Variants in CASP8 observed in about 807,000 individuals in gnomAD.
The protein encoded by CASP8 is caspase-8.
Under a neutral mutation model 46.3 loss-of-function variants are expected in CASP8, and 24 were observed. That is an observed-to-expected ratio of 0.52 (90% CI 0.38 to 0.73). The LOEUF is 0.73. CASP8 is among the 30% of genes least tolerant of loss of function. CASP8 has a pLI of 0.00. For synonymous variants in CASP8, 188 were observed against 200.4 expected (o/e 0.94, Z 0.52); for missense variants, 460 against 559.0 (o/e 0.82, Z 1.79).
chr2:201,257,830 C>T, upstream of CASP8: 1 of 291,832 alleles, frequency 3.4e-6, no homozygotes, highest in Admixed American at 5.0e-5. Context: ...ATTCCCAGAC[C>T]CTTTGCAAGA....
At chr2:201,258,836 T>C (rs1255607493), upstream of CASP8, among the ~76,000 whole-genome samples, 2 of 152,252 alleles carry the variant, frequency 1.3e-5, no homozygotes, top group Non-Finnish European at 2.9e-5. Flanking sequence ...GGTTTCCTTT[T>C]ATCTCTCCAC....
intron 2 of CASP8, among the ~76,000 whole-genome samples, chr2:201,247,021 C>A (rs1946553840): frequency 1.3e-5 from 2 of 151,520 alleles, no homozygotes; most frequent in South Asian, 4.2e-4. Context: ...ATGGTGAAAC[C>A]CTGTCTCTAC....
intron 6 of CASP8, among the ~76,000 whole-genome samples, chr2:201,275,824 C>T (rs1948595434): frequency 6.6e-6 from 1 of 152,174 alleles, no homozygotes; most frequent in Non-Finnish European, 1.5e-5. Flanking sequence ...AATCCTCCTG[C>T]CTTGGCCTCC....
intron 2 of CASP8, chr2:201,241,264 C>G (rs1397655950): frequency 6.6e-6 from 1 of 151,874 alleles, no homozygotes; most frequent in Non-Finnish European, 1.5e-5. Context: ...AAAAGAATAA[C>G]AAAAGAATTG....
At chr2:201,277,961 A>G (rs1252279953) in intron 7 of CASP8, 1 of 201,090 alleles carries the variant, frequency 5.0e-6, no homozygotes, top group East Asian at 1.7e-4. Flanking sequence ...TCGGCCTCCC[A>G]AAGTGCTGGA....
intron 2 of CASP8, among the ~76,000 whole-genome samples, chr2:201,253,872 G>A (rs1458357731): frequency 2.6e-5 from 4 of 151,862 alleles, no homozygotes; most frequent in East Asian, 1.9e-4. Flanking sequence ...ACCTAAGGTC[G>A]GGAGTTCGAG....
At chr2:201,286,374 G>T in intron 8 of CASP8, 85 bp from the exon 9 acceptor site, 2 of 1,515,108 alleles carry the variant, frequency 1.3e-6, no homozygotes, top group Non-Finnish European at 9.1e-7. Flanking sequence ...AAGAACTACA[G>T]AACTATCTCT....
chr2:201,242,460 G>A (rs1206943734), intron 2 of CASP8: 1 of 152,026 alleles, frequency 6.6e-6, no homozygotes, highest in African/African-American at 2.4e-5. Flanking sequence ...GAGCGCTCTG[G>A]GATTTCTTTT....
intron 8 of CASP8, 30 bp downstream of exon 8, chr2:201,285,347 T>C: frequency 6.2e-7 from 1 of 1,611,038 alleles, no homozygotes; most frequent in Non-Finnish European, 8.5e-7. Flanking sequence ...CCCTCCTCAC[T>C]GTTACACTAC....
chr2:201,234,155 T>G (rs1945940174), intron 2 of CASP8: 1 of 152,442 alleles, frequency 6.6e-6, no homozygotes, highest in South Asian at 2.1e-4. Context: ...GAAAGAGAAG[T>G]GGTGAACGCT....
intron 7 of CASP8, among the ~76,000 whole-genome samples, chr2:201,278,979 TG>T (rs1948826190): frequency 6.6e-6 from 1 of 151,906 alleles, no homozygotes; most frequent in African/African-American, 2.4e-5. Context: ...TCCAACAATT[TG>T]GGGGAGTTGA....
chr2:201,282,744 C>A (rs1197486263), intron 7 of CASP8, among the ~76,000 whole-genome samples: 98 of 79,942 alleles, frequency 1.2e-3, no homozygotes, highest in Middle Eastern at 9.1e-3. Flanking sequence ...GCAGAGGGGT[C>A]CTCACTTCCC....
At chr2:201,274,355 TC>T (rs1948487148) in intron 5 of CASP8, among the ~76,000 whole-genome samples, 1 of 152,232 alleles carries the variant, frequency 6.6e-6, no homozygotes, top group Admixed American at 6.5e-5. Context: ...GGTATGTTTT[TC>T]TCTTTGGCGA....
rs372548560 is a variant in CASP8, at chr2:201,261,386, C to T, written c.-27+773C>T. Among the ~76,000 whole-genome samples the T allele has an allele frequency of 4.7e-4, 54 of 114,180 alleles. 1 individual carries two copies. The highest frequency in any genetic ancestry group is 1.9e-3 in the East Asian group (8 of 4,134). The allele number at this position is 114,180 out of a possible 152,430, so 74.9% of individuals were successfully genotyped here. ...AGCCTGGGCAACAAGAGCGAAACTC[C>T]GTCTCAAAAAAAAAAAAAAAAAAAA... On this transcript the variant is annotated intron_variant, in intron 1 of 8. Coordinates refer to ENST00000673742, the MANE Select transcript of CASP8 (RefSeq NM_001372051.1).
chr2:201,278,446 A>G (rs908548830), intron 7 of CASP8, among the ~76,000 whole-genome samples: 1 of 151,764 alleles, frequency 6.6e-6, no homozygotes, highest in African/African-American at 2.4e-5. Context: ...GAACCAACAC[A>G]CTGTATTAGT....
intron 2 of CASP8, among the ~76,000 whole-genome samples, chr2:201,244,940 G>A (rs1946446684): frequency 6.6e-6 from 1 of 152,192 alleles, no homozygotes; most frequent in Non-Finnish European, 1.5e-5. Flanking sequence ...ATGCCACACT[G>A]GGACCCCAGA....
intron 7 of CASP8, among the ~76,000 whole-genome samples, chr2:201,278,904 T>TA (rs1948821833): frequency 6.6e-6 from 1 of 151,652 alleles, no homozygotes; most frequent in African/African-American, 2.4e-5. Flanking sequence ...GGAGAAGGAA[T>TA]AAAAAAGGAA....
upstream of CASP8, among the ~76,000 whole-genome samples, chr2:201,258,917 G>C (rs1166312006): frequency 2.0e-5 from 3 of 151,980 alleles, no homozygotes; most frequent in African/African-American, 7.3e-5. Context: ...ATGTGGATTC[G>C]TGAATTTATC....
chr2:201,256,378 C>G (rs1947018701), upstream of CASP8, among the ~76,000 whole-genome samples: 1 of 152,232 alleles, frequency 6.6e-6, no homozygotes, highest in African/African-American at 2.4e-5. Flanking sequence ...GTAGCATCCA[C>G]TTCTGAGAAC....
Sources: allele counts gnomAD v4.1 joint callset (sites outside exome capture counted in the v4.1 genomes callset), GRCh38; gene constraint gnomAD v4.1.1; transcripts MANE v1.5; gene names NCBI Gene and HGNC (gene_info 2026-07-23, HGNC 2026-07-21).